Variants in ADGRL2 observed in about 807,000 individuals in gnomAD.
ADGRL2 encodes calcium-independent alpha-latrotoxin receptor 2.
ADGRL2 carries 44 observed loss-of-function variants against 157.4 expected under a neutral mutation model. The ratio of observed to expected loss-of-function variants is 0.28; its 90% CI spans 0.22 to 0.36. ADGRL2 has a LOEUF of 0.36. ADGRL2 is among the 10% of genes least tolerant of loss of function. The probability of loss-of-function intolerance (pLI) is 1.00; values close to 1 mark genes in which losing one functional copy is unlikely to be tolerated. For synonymous variants in ADGRL2, 585 were observed against 624.7 expected, an observed-to-expected ratio of 0.94 and a Z score of 0.95; for missense variants, 1,510 against 1,768.9, an observed-to-expected ratio of 0.85 and a Z score of 2.63.
At chr1:81,800,330 C>A (rs1036249128), upstream of ADGRL2, 5 of 152,154 alleles carry the variant, frequency 3.3e-5, no homozygotes, top group Non-Finnish European at 7.3e-5. Flanking sequence ...CGCCGGAAAT[C>A]TCAGGTATCA....
chr1:81,946,317 G>A (rs899738958), intron 6 of ADGRL2, among the ~76,000 whole-genome samples: 11 of 149,230 alleles, frequency 7.4e-5, no homozygotes, highest in Non-Finnish European at 1.2e-4. Context: ...AAAAGCACAC[G>A]CATATTATTT....
chr1:81,504,880 C>T (rs558651969), intron 2 of ADGRL2, among the ~76,000 whole-genome samples: 148 of 152,296 alleles, frequency 9.7e-4, no homozygotes, highest in African/African-American at 3.2e-3. Context: ...AGATGAATAA[C>T]TCCACAGCTC....
At chr1:81,307,011 A>G (rs1018332775) in intron 1 of ADGRL2, among the ~76,000 whole-genome samples, 2 of 152,228 alleles carry the variant, frequency 1.3e-5, no homozygotes, top group African/African-American at 4.8e-5. Context: ...TGAAGGCCTT[A>G]TTGCTAACAG....
intron 2 of ADGRL2, among the ~76,000 whole-genome samples, chr1:81,460,948 T>C (rs186619959): frequency 6.6e-6 from 1 of 152,218 alleles, no homozygotes; most frequent in Non-Finnish European, 1.5e-5. Context: ...GCAGTACTTA[T>C]GCAGATGTAT....
At chr1:81,429,381 A>G (rs757634256) in intron 1 of ADGRL2, among the ~76,000 whole-genome samples, 12 of 152,254 alleles carry the variant, frequency 7.9e-5, no homozygotes, top group Non-Finnish European at 1.3e-4. Flanking sequence ...CTAAAAAGCA[A>G]TGCCTAATCT....
At chr1:81,381,254 T>C (rs1437677864) in intron 1 of ADGRL2, among the ~76,000 whole-genome samples, 2 of 152,156 alleles carry the variant, frequency 1.3e-5, no homozygotes, top group African/African-American at 4.8e-5. Context: ...TTTCCCAAAA[T>C]TTATACCCTA....
intron 2 of ADGRL2, among the ~76,000 whole-genome samples, chr1:81,859,276 T>A (rs976505724): frequency 6.6e-6 from 1 of 152,172 alleles, no homozygotes; most frequent in African/African-American, 2.4e-5. Context: ...GTTTAAATCG[T>A]GTCAATTCAG....
intron 2 of ADGRL2, among the ~76,000 whole-genome samples, chr1:81,541,927 C>T (rs2079895477): frequency 6.6e-6 from 1 of 152,156 alleles, no homozygotes; most frequent in African/African-American, 2.4e-5. Flanking sequence ...CATTGTACTC[C>T]AGCCTGGGCA....
chr1:81,366,346 C>G lies in ADGRL2; in HGVS notation c.-302+59837C>G, dbSNP rs185874758. Among the ~76,000 whole-genome samples the G allele has an allele frequency of 1.3e-3, 202 of 151,376 alleles. 1 individual carries two copies. Among genetic ancestry groups the G allele is most frequent in the Non-Finnish European group, 2.3e-3 (159 of 67,868 alleles). The stretch of plus-strand genomic sequence containing the variant: ...AGTGAGATATGTTCTTTTAAAAAGA[C>G]TTTTTTATTGAAAGAAGCAGGCTCA... On this transcript the variant is annotated intron_variant, in intron 1 of 24. Transcript: ENST00000370721.
intron 1 of ADGRL2, among the ~76,000 whole-genome samples, chr1:81,400,459 C>T (rs2076732693): frequency 6.6e-6 from 1 of 152,086 alleles, no homozygotes; most frequent in Non-Finnish European, 1.5e-5. Flanking sequence ...TGTGATTTTA[C>T]CCCGGGAGAC....
intron 1 of ADGRL2, among the ~76,000 whole-genome samples, chr1:81,424,090 A>T (rs1557678708): frequency 6.6e-6 from 1 of 152,198 alleles, no homozygotes; most frequent in East Asian, 1.9e-4. Context: ...CTGGAGTAAG[A>T]TTAATTTTGT....
In ADGRL2 at chr1:81,333,601, G is replaced by GA. The variant is rs1661427903; in HGVS notation, c.-302+27093dup. Among the ~76,000 whole-genome samples, 4 of 151,812 alleles carry GA rather than the reference G, an allele frequency of 2.6e-5. No individual in the cohort carries two copies. In the South Asian group the frequency reaches 8.3e-4, roughly 32 times the overall value. Reference sequence around the variant, plus strand: ...TGGATAATTTTTTGTATTTTTAGTAGAGACAGGTGTTTCACCATCTTGGCC... The same window carrying GA: ...TGGATAATTTTTTGTATTTTTAGTAGAAGACAGGTGTTTCACCATCTTGGCC... On this transcript the variant is annotated intron_variant, in intron 1 of 24. Transcript: ENST00000370721.
chr1:81,722,507 T>C, intron 1 of ADGRL2: 1 of 1,558,490 alleles, frequency 6.4e-7, no homozygotes, highest in Non-Finnish European at 8.7e-7. Flanking sequence ...CATCCAAGAC[T>C]GTGACAGAGC....
intron 1 of ADGRL2, among the ~76,000 whole-genome samples, chr1:81,359,828 C>A (rs979488393): frequency 6.6e-5 from 10 of 151,436 alleles, no homozygotes; most frequent in Non-Finnish European, 1.5e-4. Context: ...TTTCTGAAGC[C>A]AAAAAAAACC....
At chr1:81,778,048 C>T (rs1487423240) in intron 2 of ADGRL2, among the ~76,000 whole-genome samples, 2 of 151,286 alleles carry the variant, frequency 1.3e-5, no homozygotes, top group South Asian at 2.1e-4. Flanking sequence ...AGGTCAGGCG[C>T]GGTGGCTCAC....
chr1:81,324,520 AATCT>A (rs1163768940), intron 1 of ADGRL2, among the ~76,000 whole-genome samples: 179 of 150,034 alleles, frequency 1.2e-3, no homozygotes, highest in Admixed American at 3.5e-3. Context: ...AAAAAAAAAA[AATCT>A]ATCTATATAA....
At chr1:81,846,492 GAAA>G (rs1185334711) in intron 2 of ADGRL2, among the ~76,000 whole-genome samples, 1 of 150,648 alleles carries the variant, frequency 6.6e-6, no homozygotes, top group Non-Finnish European at 1.5e-5. Flanking sequence ...GAATTTCCTG[GAAA>G]AAAAAGAAGG....
chr1:81,461,613 C>A (rs1359589323), intron 2 of ADGRL2, among the ~76,000 whole-genome samples: 1 of 152,114 alleles, frequency 6.6e-6, no homozygotes, highest in Non-Finnish European at 1.5e-5. Flanking sequence ...CACTTTTCCC[C>A]CCTTAGGCAT....
chr1:81,706,252 G>A (rs1461411251), intron 1 of ADGRL2, among the ~76,000 whole-genome samples: 2 of 151,792 alleles, frequency 1.3e-5, no homozygotes, highest in Non-Finnish European at 2.9e-5. Context: ...TTTAAAAAGG[G>A]ATGGAAAAGA....
Sources: allele counts gnomAD v4.1 joint callset (sites outside exome capture counted in the v4.1 genomes callset), GRCh38; gene constraint gnomAD v4.1.1; transcripts MANE v1.5; gene names NCBI Gene and HGNC (gene_info 2026-07-23, HGNC 2026-07-21).